The following RARB variants were observed in gnomAD, a reference collection of about 807,000 sequenced individuals.
RARB encodes the protein HBV-activated protein.
A neutral mutation model predicts 51.9 loss-of-function variants in RARB; 17 were observed. The observed-to-expected ratio is 0.33, with a 90% confidence interval of 0.22 to 0.49. The LOEUF is 0.49. RARB is among the 20% of genes least tolerant of loss of function. The pLI is 0.99. For missense variants in RARB, 369 were observed against 550.8 expected (o/e 0.67, Z 3.30); for synonymous variants, 215 against 195.4 (o/e 1.10, Z -0.84).
At chr3:25,112,816 T>A (rs1180639763) in intron 3 of RARB, among the ~76,000 whole-genome samples, 1 of 152,146 alleles carries the variant, frequency 6.6e-6, no homozygotes, top group African/African-American at 2.4e-5. Context: ...CTAACCATCT[T>A]GTATAGAAAA....
intron 5 of RARB, among the ~76,000 whole-genome samples, chr3:25,408,318 C>T (rs1707469150): frequency 6.6e-6 from 1 of 151,974 alleles, no homozygotes; most frequent in African/African-American, 2.4e-5. Flanking sequence ...GCGGGAGTAG[C>T]CTCAGGAAAC....
intron 2 of RARB, among the ~76,000 whole-genome samples, chr3:24,921,632 C>T (rs1027052473): frequency 1.3e-5 from 2 of 152,072 alleles, no homozygotes; most frequent in East Asian, 1.9e-4. Flanking sequence ...GGAGGTCCCC[C>T]CCATCTCCTC....
chr3:25,157,847 A>G (rs1473785512), intron 4 of RARB, among the ~76,000 whole-genome samples: 1 of 152,190 alleles, frequency 6.6e-6, no homozygotes, highest in African/African-American at 2.4e-5. Context: ...GTTTCCTTGA[A>G]TAAGACTCAC....
chr3:25,325,030 C>G (rs1704673736), intron 5 of RARB, among the ~76,000 whole-genome samples: 1 of 152,202 alleles, frequency 6.6e-6, no homozygotes, highest in Admixed American at 6.5e-5. Flanking sequence ...AGAATGGCTA[C>G]TCCATAGGCA....
In RARB at chr3:24,955,838, T is replaced by C. The variant is rs61052337; in HGVS notation, c.-380+97086T>C. 8.3e-3 allele frequency among the ~76,000 whole-genome samples: 1,271 copies of C among 152,234 alleles called. 15 individuals carry two copies. Among genetic ancestry groups the C allele is most frequent in the African/African-American group, 0.027 (1,138 of 41,544 alleles). On this transcript the variant is annotated intron_variant, in intron 2 of 11. Transcript: ENST00000383772. ...CACAGGAATAAAGGTGGTCGTCTTATGTAGATCAAGCCCCCTGGCCGATCT... is the reference window on the plus strand; with the variant it reads ...CACAGGAATAAAGGTGGTCGTCTTACGTAGATCAAGCCCCCTGGCCGATCT...
intron 2 of RARB, among the ~76,000 whole-genome samples, chr3:24,930,324 G>A (rs1362005553): frequency 6.6e-6 from 1 of 151,286 alleles, no homozygotes; most frequent in Admixed American, 6.6e-5. Context: ...ATGCATCCAG[G>A]GGCGTAAGCT....
At chr3:24,939,858 C>A (rs1236278401) in intron 2 of RARB, among the ~76,000 whole-genome samples, 2 of 152,136 alleles carry the variant, frequency 1.3e-5, no homozygotes, top group Non-Finnish European at 2.9e-5. Context: ...TGTGGTATGA[C>A]CATGACTACT....
intron 3 of RARB, among the ~76,000 whole-genome samples, chr3:25,505,895 A>G (rs955184060): frequency 1.3e-5 from 2 of 152,224 alleles, no homozygotes; most frequent in Non-Finnish European, 2.9e-5. Flanking sequence ...CATTTGGATT[A>G]TGAAAGAAAT....
At chr3:25,330,930 G>GC (rs1193209301) in intron 5 of RARB, among the ~76,000 whole-genome samples, 1 of 152,138 alleles carries the variant, frequency 6.6e-6, no homozygotes, top group African/African-American at 2.4e-5. Context: ...GACAAAGAAG[G>GC]CCATTACATA....
At chr3:25,218,934 C>G (rs562713555) in intron 5 of RARB, among the ~76,000 whole-genome samples, 1 of 152,164 alleles carries the variant, frequency 6.6e-6, no homozygotes, top group African/African-American at 2.4e-5. Flanking sequence ...TCTACCTTCA[C>G]GCTTGCCTTG....
At chr3:25,381,313 G>A (rs1273863672) in intron 5 of RARB, among the ~76,000 whole-genome samples, 1 of 152,182 alleles carries the variant, frequency 6.6e-6, no homozygotes. Flanking sequence ...GGAAAAGAAA[G>A]GGGGTTGAAG....
chr3:25,322,613 T>C (rs1704604727), intron 5 of RARB, among the ~76,000 whole-genome samples: 1 of 152,234 alleles, frequency 6.6e-6, no homozygotes, highest in Non-Finnish European at 1.5e-5. Flanking sequence ...GGACAATCTT[T>C]TAATTAATTT....
At chr3:25,331,245 C>G (rs548753959) in intron 5 of RARB, among the ~76,000 whole-genome samples, 63 of 152,180 alleles carry the variant, frequency 4.1e-4, no homozygotes, top group Non-Finnish European at 7.6e-4. Context: ...CCACATCGCA[C>G]TTATTCCAAA....
intron 5 of RARB, among the ~76,000 whole-genome samples, chr3:25,366,256 A>C (rs1338065437): frequency 6.6e-6 from 1 of 152,228 alleles, no homozygotes; most frequent in Non-Finnish European, 1.5e-5. Flanking sequence ...CTGTGTTCTC[A>C]AGGCTAACAA....
chr3:24,953,757 C>T (rs1008297020), intron 2 of RARB, among the ~76,000 whole-genome samples: 23 of 152,278 alleles, frequency 1.5e-4, no homozygotes, highest in African/African-American at 5.1e-4. Flanking sequence ...ACTCCCACCT[C>T]ATATACGTTC....
At chr3:25,382,727 G>A (rs1706666025) in intron 5 of RARB, among the ~76,000 whole-genome samples, 1 of 152,086 alleles carries the variant, frequency 6.6e-6, no homozygotes, top group East Asian at 1.9e-4. Context: ...GTGTGGCGGT[G>A]TGCACCTGTA....
chr3:25,316,237 T>C (rs1443464372), intron 5 of RARB, among the ~76,000 whole-genome samples: 2 of 152,170 alleles, frequency 1.3e-5, no homozygotes, highest in African/African-American at 2.4e-5. Context: ...ATTCCATCTA[T>C]CTAGAGGTAG....
intron 5 of RARB, among the ~76,000 whole-genome samples, chr3:25,376,600 A>G (rs1706467900): frequency 6.6e-6 from 1 of 152,184 alleles, no homozygotes; most frequent in South Asian, 2.1e-4. Context: ...GCACCTACCT[A>G]CACAACTCCC....
intron 1 of RARB, among the ~76,000 whole-genome samples, chr3:25,438,037 C>T (rs1053491905): frequency 6.6e-6 from 1 of 152,234 alleles, no homozygotes; most frequent in Non-Finnish European, 1.5e-5. Flanking sequence ...CTCTGCTCCG[C>T]ATGCTGTCAG....
Sources: allele counts gnomAD v4.1 joint callset (sites outside exome capture counted in the v4.1 genomes callset), GRCh38; gene constraint gnomAD v4.1.1; transcripts MANE v1.5; gene names NCBI Gene and HGNC (gene_info 2026-07-23, HGNC 2026-07-21).